Variants in CACNA1H observed in about 807,000 individuals in gnomAD.
CACNA1H encodes the protein calcium voltage-gated channel subunit alpha1 H.
Under a neutral mutation model 192.5 loss-of-function variants are expected in CACNA1H, and 149 were observed. That is an observed-to-expected ratio of 0.77 (90% CI 0.68 to 0.89). The LOEUF is 0.89. Ranked by LOEUF, CACNA1H falls within the 40% of genes least tolerant of loss-of-function variation. The pLI, the probability that CACNA1H is intolerant of heterozygous loss-of-function variation, is 0.00. For synonymous variants in CACNA1H, 2,202 were observed against 1,475.2 expected (o/e 1.49, Z -11.29); for missense variants, 4,257 against 3,423.5 (o/e 1.24, Z -6.08).
intron 13 of CACNA1H, 39 bp from the exon 14 acceptor site, chr16:1,207,236 G>A (rs773144823): frequency 4.5e-6 from 7 of 1,570,926 alleles, no homozygotes; most frequent in Non-Finnish European, 6.0e-6. Context: ...GGCATTTCGG[G>A]GCTGGGGTGA....
intron 2 of CACNA1H, among the ~76,000 whole-genome samples, chr16:1,171,821 C>T (rs1964397152): frequency 6.6e-6 from 1 of 152,224 alleles, no homozygotes; most frequent in African/African-American, 2.4e-5. Flanking sequence ...GCTCCGTCTC[C>T]GAGCGCCAGC....
intron 26 of CACNA1H, among the ~76,000 whole-genome samples, chr16:1,212,807 G>C (rs1047862118): frequency 6.6e-6 from 1 of 152,238 alleles, no homozygotes. Flanking sequence ...CTGCAGGCTT[G>C]TGGCTGTCCT....
rs1211801977 is a variant in CACNA1H, at chr16:1,167,382, A to G, written c.299+13346A>G. On this transcript the variant is annotated intron_variant, in intron 2 of 34. Coordinates refer to ENST00000348261, the MANE Select transcript of CACNA1H (RefSeq NM_021098.3). This position sits in a 1 kb window ranked among gnomAD's most constrained non-coding sequence, Gnocchi z 4.2. ...GGGTGGCGCCCGGGCCGCGGGTGGGAGAATCTGGCGTGTGTGTTTGCACGG... is the reference window on the plus strand; with the variant it reads ...GGGTGGCGCCCGGGCCGCGGGTGGGGGAATCTGGCGTGTGTGTTTGCACGG... Among the ~76,000 whole-genome samples the G allele has an allele frequency of 6.6e-6, 1 of 151,974 alleles. No homozygotes were observed. The highest frequency in any genetic ancestry group is 2.4e-5 in the African/African-American group (1 of 41,346).
rs967661793 is a variant in CACNA1H, at chr16:1,204,395, C to T, written c.2388C>T (p.Ser796=). The T allele has an allele frequency of 6.4e-6, 10 of 1,557,044 alleles. No homozygotes were observed. The highest frequency in any genetic ancestry group is 1.9e-5 in the Admixed American group (1 of 53,324). The change falls in exon 10 of 35, where the codon AGC becomes AGT. Residue 796 remains serine, a synonymous_variant. Transcript: ENST00000348261. The part of the protein sequence containing the change: ...LRRIVDSKYF[S]RGIMMAILVN... Reference sequence around the variant, plus strand: ...GCATCGTGGACAGCAAGTACTTCAGCCGTGGCATCATGATGGCCATCCTTG... The same window carrying T: ...GCATCGTGGACAGCAAGTACTTCAGTCGTGGCATCATGATGGCCATCCTTG...
intron 8 of CACNA1H, among the ~76,000 whole-genome samples, chr16:1,201,227 A>G (rs1967849318): frequency 6.6e-6 from 1 of 152,118 alleles, no homozygotes; most frequent in Non-Finnish European, 1.5e-5. Flanking sequence ...GGGACCTAGT[A>G]GGTAACAGAA....
chr16:1,216,707 G>A (rs537464670), intron 30 of CACNA1H, among the ~76,000 whole-genome samples: 7 of 152,358 alleles, frequency 4.6e-5, no homozygotes, highest in African/African-American at 1.7e-4. Flanking sequence ...AGAGGGGTGG[G>A]CTCTGTCTAC....
Position 1,218,668 on chromosome 16 carries a change from G to T in CACNA1H, c.5887+17G>T. On this transcript the variant is annotated intron_variant, in intron 33 of 34. Transcript: ENST00000348261. ...CCCCCTTGGGTATGGTAGCCAGCAG[G>T]AAGATATGGGCTGGGTGGGAAGCAG... is the stretch of plus-strand genomic sequence containing the variant. The T allele has an allele frequency of 1.4e-6, 2 of 1,460,092 alleles. No individual in the cohort carries two copies. The highest frequency in any genetic ancestry group is 1.4e-5 in the African/African-American group (1 of 70,696). The allele number at this position is 1,460,092 out of a possible 1,614,324, so 90.4% of individuals were successfully genotyped here. A position where few individuals can be genotyped will look rare whatever the true frequency, so the allele number is the denominator to read the frequency against.
intron 2 of CACNA1H, among the ~76,000 whole-genome samples, chr16:1,174,307 C>T (rs376511807): frequency 2.6e-5 from 4 of 152,192 alleles, no homozygotes; most frequent in East Asian, 3.8e-4. Context: ...TCTCCTGGAG[C>T]GCACCCTTGG....
chr16:1,210,256 C>A, intron 18 of CACNA1H, 114 bp from the exon 19 acceptor site: 3 of 1,247,540 alleles, frequency 2.4e-6, no homozygotes, highest in South Asian at 1.3e-5. Flanking sequence ...CCCCTTCTCA[C>A]ACCGCAGGGA....
chr16:1,204,803 G>T (rs1366814087), intron 10 of CACNA1H, among the ~76,000 whole-genome samples: 15 of 145,554 alleles, frequency 1.0e-4, no homozygotes, highest in African/African-American at 3.8e-4. Flanking sequence ...GATCAGTGCC[G>T]GGGAGGGGTG....
chr16:1,181,631 A>G (rs1965476560), intron 2 of CACNA1H, among the ~76,000 whole-genome samples: 1 of 152,226 alleles, frequency 6.6e-6, no homozygotes, highest in Non-Finnish European at 1.5e-5. Flanking sequence ...ATAAATAGGT[A>G]TATTAGGTCT....
chr16:1,220,937 A>G lies in CACNA1H; in HGVS notation c.7005A>G (p.Lys2335=). The change falls in exon 35 of 35, where the codon AAA becomes AAG. Residue 2335 remains lysine (K), a synonymous_variant. Transcript: ENST00000348261. ...YLTVPQCPLE[K]PGSPSATPAP... ...CAGTCCCCCAGTGTCCTCTGGAGAA[A>G]CCAGGGTCCCCCTCAGCCACCCCTG... The G allele has an allele frequency of 1.2e-6, 2 of 1,608,016 alleles. No homozygotes were observed. Among genetic ancestry groups the G allele is most frequent in the East Asian group, 2.2e-5 (1 of 44,778 alleles).
chr16:1,208,076 C>A lies in CACNA1H; in HGVS notation c.3218C>A (p.Ser1073Tyr). The A allele has an allele frequency of 1.2e-6, 2 of 1,601,524 alleles. No homozygotes were observed. Among genetic ancestry groups the A allele is most frequent in the Non-Finnish European group, 1.7e-6 (2 of 1,174,718 alleles). ...NGHLEGRGSL[S>Y]PPLIMCTAAT... is the part of the protein sequence containing the mutation. ...CACCTGGAGGGACGAGGCAGCCTGT[C>A]CCCTCCCCTCATCATGTGCACAGCT... The change falls in exon 16 of 35, where the codon TCC becomes TAC. Residue 1073 changes from serine (S) to tyrosine (Y), a missense_variant. Transcript: ENST00000348261.
At position 1,160,350 on chromosome 16, in the gene CACNA1H, G is replaced by A. The variant is rs549490768; in HGVS notation, c.299+6314G>A. ...ATTTCCAGGGTGGAGATTAAGGAGC[G>A]ACCACTCACCCTGGGCAGATACAAG... On this transcript the variant is annotated intron_variant, in intron 2 of 34. Transcript: ENST00000348261. Among the ~76,000 whole-genome samples the A allele has an allele frequency of 5.3e-5, 8 of 152,266 alleles. No individual in the cohort carries two copies. The East Asian group carries it at 9.7e-4, about 18-fold the overall frequency.
intron 2 of CACNA1H, among the ~76,000 whole-genome samples, chr16:1,174,109 T>C (rs4318204): frequency 0.41 from 62,121 of 152,056 alleles, 15,362 homozygotes; most frequent in East Asian, 0.77. Context: ...TCCATGCAGC[T>C]CTGAGACCCA....
At chr16:1,197,705 C>T (rs1967155548) in intron 5 of CACNA1H, among the ~76,000 whole-genome samples, 1 of 152,188 alleles carries the variant, frequency 6.6e-6, no homozygotes, top group Non-Finnish European at 1.5e-5. Flanking sequence ...CTCCTCCTGG[C>T]TCTGACTCAC....
At chr16:1,212,328 A>G (rs1969550431) in intron 25 of CACNA1H, among the ~76,000 whole-genome samples, 183 bp from the exon 26 acceptor site, 1 of 151,872 alleles carries the variant, frequency 6.6e-6, no homozygotes, top group Admixed American at 6.5e-5. Flanking sequence ...CCGCCATGGC[A>G]GGAGAGGAGG....
chr16:1,154,046 CCGGCCGGCGGGGGG>C lies in CACNA1H; in HGVS notation c.299+14_299+27del, dbSNP rs1961935908. 1 of 1,153,322 alleles carries C rather than the reference CCGGCCGGCGGGGGG, an allele frequency of 8.7e-7. No homozygotes were observed. The highest frequency in any genetic ancestry group is 1.9e-5 in the African/African-American group (1 of 53,550). The allele number at this position is 1,153,322 out of a possible 1,614,324, so 71.4% of individuals were successfully genotyped here. A position where few individuals can be genotyped will look rare whatever the true frequency, so the allele number is the denominator to read the frequency against. ...GGCTGGTCTGCAACCCATATCCTTC[CCGGCCGGCGGGGGG>C]CGGGGGGCGGGGGGCGTGGGGAGGG... On this transcript the variant is annotated intron_variant, in intron 2 of 34. Transcript: ENST00000348261.
intron 5 of CACNA1H, among the ~76,000 whole-genome samples, chr16:1,197,552 C>T (rs1967132400): frequency 6.6e-6 from 1 of 152,226 alleles, no homozygotes; most frequent in Non-Finnish European, 1.5e-5. Context: ...ATAATGAGGA[C>T]ACGCTCAGGG....
Sources: allele counts gnomAD v4.1 joint callset (sites outside exome capture counted in the v4.1 genomes callset), GRCh38; gene constraint gnomAD v4.1.1; non-coding constraint Gnocchi (gnomAD v3.1); transcripts MANE v1.5; gene names NCBI Gene and HGNC (gene_info 2026-07-23, HGNC 2026-07-21).